CAMTA1: variants seen among roughly 807,000 people sequenced by gnomAD.
CAMTA1 encodes calmodulin-binding transcription activator 1.
In CAMTA1, 27 loss-of-function variants were observed where a neutral mutation model predicts 170.9. The observed-to-expected ratio is 0.16, with a 90% confidence interval of 0.12 to 0.22. The LOEUF is 0.22. Ranked by LOEUF, CAMTA1 falls within the 10% of genes least tolerant of loss-of-function variation. The pLI is 1.00. For synonymous variants in CAMTA1, 833 were observed against 891.5 expected (o/e 0.93, Z 1.17); for missense variants, 1,619 against 2,217.2 (o/e 0.73, Z 5.42).
rs1008143385 is a variant in CAMTA1, at chr1:7,562,055, T to C, written c.511-78345T>C. On this transcript the variant is annotated intron_variant, in intron 6 of 22. Coordinates refer to ENST00000303635, the MANE Select transcript of CAMTA1 (RefSeq NM_015215.4). The surrounding 1 kb of genome is among the most constrained non-coding windows in gnomAD (Gnocchi z 4.8). ...CGAAGGGTCGTGGCCAAGATGGTGA[T>C]TGGGAGATGGTGTTCAGGGAAGCCT... Among the ~76,000 whole-genome samples, 6 of 152,038 alleles carry C rather than the reference T, an allele frequency of 3.9e-5. No individual in the cohort carries two copies. Among genetic ancestry groups the C allele is most frequent in the Non-Finnish European group, 7.4e-5 (5 of 68,010 alleles).
At chr1:7,270,452 G>A (rs957023469) in intron 5 of CAMTA1, among the ~76,000 whole-genome samples, 2 of 151,490 alleles carry the variant, frequency 1.3e-5, no homozygotes, top group Admixed American at 6.6e-5. Flanking sequence ...CCACCACCAC[G>A]CCTGGCTAAT....
chr1:7,755,365 A>T (rs925803354), intron 21 of CAMTA1, among the ~76,000 whole-genome samples: 2 of 149,350 alleles, frequency 1.3e-5, no homozygotes, highest in African/African-American at 4.9e-5. Flanking sequence ...AAAACCTCAT[A>T]TGACACCCTC....
At chr1:7,394,630 A>G (rs948679280) in intron 5 of CAMTA1, among the ~76,000 whole-genome samples, 19 of 151,992 alleles carry the variant, frequency 1.3e-4, no homozygotes, top group African/African-American at 4.1e-4. Flanking sequence ...ATTTTCTCCT[A>G]TTCTGCAGCT....
chr1:7,128,742 C>A (rs1240012315), intron 4 of CAMTA1, among the ~76,000 whole-genome samples: 3 of 151,560 alleles, frequency 2.0e-5, no homozygotes, highest in Admixed American at 6.6e-5. Flanking sequence ...GCAGTCTCTG[C>A]CTCCTGGGTT....
At chr1:7,667,259 C>T (rs1292867256) in intron 9 of CAMTA1, among the ~76,000 whole-genome samples, 1 of 152,116 alleles carries the variant, frequency 6.6e-6, no homozygotes, top group African/African-American at 2.4e-5. Flanking sequence ...ACCCCCCACC[C>T]CACCCCATGA....
At chr1:7,504,003 C>T (rs538246986) in intron 6 of CAMTA1, among the ~76,000 whole-genome samples, 39 of 152,256 alleles carry the variant, frequency 2.6e-4, no homozygotes, top group African/African-American at 8.7e-4. Flanking sequence ...ACAGTCTGAC[C>T]CCAAAGGGCA....
At chr1:6,921,658 G>A (rs1031985346) in intron 3 of CAMTA1, among the ~76,000 whole-genome samples, 4 of 152,204 alleles carry the variant, frequency 2.6e-5, no homozygotes, top group African/African-American at 9.7e-5. Context: ...AGTTCCATGT[G>A]GCTGGGGAGG....
intron 4 of CAMTA1, among the ~76,000 whole-genome samples, chr1:7,111,614 G>T (rs1450719892): frequency 6.6e-6 from 1 of 152,046 alleles, no homozygotes; most frequent in Non-Finnish European, 1.5e-5. Flanking sequence ...GGCTGGTTGG[G>T]GTGGTTCACA....
intron 6 of CAMTA1, among the ~76,000 whole-genome samples, chr1:7,573,805 G>A (rs1254935157): frequency 2.0e-5 from 3 of 152,072 alleles, no homozygotes; most frequent in Non-Finnish European, 2.9e-5. Context: ...ACAGAGTCTC[G>A]CTCTGTTGCC....
chr1:7,484,516 A>G (rs1032002433), intron 6 of CAMTA1, among the ~76,000 whole-genome samples: 3 of 152,206 alleles, frequency 2.0e-5, no homozygotes, highest in East Asian at 1.9e-4. Flanking sequence ...GTGGCCGGGC[A>G]CGGTGGCTCA....
rs185860490 is a variant in CAMTA1, at chr1:6,787,595, G to A, written c.45+2020G>A. 2.6e-4 allele frequency among the ~76,000 whole-genome samples: 39 copies of A among 152,328 alleles called. No individual in the cohort carries two copies. In the East Asian group the frequency reaches 7.3e-3, roughly 29 times the overall value. The stretch of plus-strand genomic sequence containing the variant: ...GCATATGGGGACCTTTATGTGTAAT[G>A]ATACAGATAGATATTAACGTTGTTG... On this transcript the variant is annotated intron_variant, in intron 1 of 22. Coordinates refer to ENST00000303635, the MANE Select transcript of CAMTA1 (RefSeq NM_015215.4).
chr1:7,039,893 C>T (rs944921073), intron 3 of CAMTA1, among the ~76,000 whole-genome samples: 1 of 151,052 alleles, frequency 6.6e-6, no homozygotes, highest in Non-Finnish European at 1.5e-5. Context: ...TTTCTGGGGG[C>T]GTGTACCCTA....
chr1:7,089,704 G>T (rs1572957538), intron 3 of CAMTA1, among the ~76,000 whole-genome samples: 1 of 152,152 alleles, frequency 6.6e-6, no homozygotes, highest in Non-Finnish European at 1.5e-5. Flanking sequence ...TCATGCTACA[G>T]TGGGGGATGT....
chr1:7,387,450 G>C (rs1314373160), intron 5 of CAMTA1, among the ~76,000 whole-genome samples: 3 of 152,110 alleles, frequency 2.0e-5, no homozygotes, highest in Non-Finnish European at 4.4e-5. Flanking sequence ...TTTCTGTCCA[G>C]GCCAGGCCGT....
intron 3 of CAMTA1, among the ~76,000 whole-genome samples, chr1:6,926,448 CTTTCTTTCTTTCTTTCTTTCTTTCTT>C (rs1683182961): frequency 1.4e-5 from 1 of 71,130 alleles, no homozygotes; most frequent in African/African-American, 5.9e-5. Flanking sequence ...CTCTTTCTTT[CTTTCTTTCTTTCTTTCTTTCTTTCTT>C]TCTTTCTTTC....
At chr1:7,176,573 C>A (rs1403703886) in intron 4 of CAMTA1, among the ~76,000 whole-genome samples, 1 of 152,204 alleles carries the variant, frequency 6.6e-6, no homozygotes, top group Non-Finnish European at 1.5e-5. Context: ...GCTCCAACTG[C>A]TTCTGATTCT....
intron 6 of CAMTA1, among the ~76,000 whole-genome samples, chr1:7,616,479 C>A (rs2095559501): frequency 6.6e-6 from 1 of 152,222 alleles, no homozygotes; most frequent in Non-Finnish European, 1.5e-5. Context: ...AACCGGTCAG[C>A]CCAGGACTGC....
chr1:7,009,272 G>A (rs1301024465), intron 3 of CAMTA1, among the ~76,000 whole-genome samples: 3 of 152,216 alleles, frequency 2.0e-5, no homozygotes, highest in African/African-American at 7.2e-5. Flanking sequence ...TTTCTGGGGG[G>A]CTAGGACTAG....
intron 3 of CAMTA1, among the ~76,000 whole-genome samples, chr1:6,884,708 C>T (rs1672685537): frequency 1.3e-5 from 2 of 152,196 alleles, no homozygotes; most frequent in South Asian, 4.1e-4. Context: ...TTTGTGAACC[C>T]TGTGTTCTTG....
Sources: gnomAD v4.1 joint callset for allele counts (sites outside exome capture counted in the v4.1 genomes callset) on GRCh38, gnomAD v4.1.1 for gene constraint, Gnocchi (gnomAD v3.1) non-coding constraint, MANE v1.5 for transcripts, NCBI Gene and HGNC (gene_info 2026-07-23, HGNC 2026-07-21) for gene names.